The following GPR157 variants were observed in gnomAD, a reference collection of about 807,000 sequenced individuals.
The protein encoded by GPR157 is G protein-coupled receptor 157.
Under a neutral mutation model 23.5 loss-of-function variants are expected in GPR157, and 16 were observed. That is an observed-to-expected ratio of 0.68 (90% CI 0.46 to 1.04). The LOEUF (loss-of-function observed/expected upper bound fraction) is 1.04. GPR157 is among the 50% of genes least tolerant of loss of function. The pLI is 0.00. For missense variants in GPR157, 440 were observed against 460.7 expected (o/e 0.96, Z 0.41); for synonymous variants, 200 against 221.5 (o/e 0.90, Z 0.86).
At chr1:9,127,362 A>C (rs2124533995) in intron 1 of GPR157, among the ~76,000 whole-genome samples, 1 of 152,328 alleles carries the variant, frequency 6.6e-6, no homozygotes, top group East Asian at 1.9e-4. Context: ...AAAGACAAGA[A>C]GGGAAAGAGA....
chr1:9,116,682 G>A (rs1638686927), intron 1 of GPR157, among the ~76,000 whole-genome samples: 1 of 150,390 alleles, frequency 6.6e-6, no homozygotes. Flanking sequence ...CCGGGGAGGT[G>A]GCAGTGAGCC....
intron 1 of GPR157, among the ~76,000 whole-genome samples, chr1:9,119,530 T>C (rs1470329318): frequency 2.0e-5 from 3 of 152,116 alleles, no homozygotes; most frequent in Admixed American, 6.5e-5. Flanking sequence ...AGAAAATAAA[T>C]TTCTGTTGTC....
At chr1:9,110,149 G>A (rs1275832890) in intron 2 of GPR157, among the ~76,000 whole-genome samples, 1 of 152,216 alleles carries the variant, frequency 6.6e-6, no homozygotes, top group Non-Finnish European at 1.5e-5. Flanking sequence ...CTCTCCAGGA[G>A]GGCAGGATCC....
intron 1 of GPR157, among the ~76,000 whole-genome samples, chr1:9,113,857 C>A (rs1425449367): frequency 1.3e-5 from 2 of 151,390 alleles, no homozygotes; most frequent in Non-Finnish European, 2.9e-5. Flanking sequence ...GCAGGAGAAT[C>A]GCTTGAACCT....
chr1:9,107,003 C>T (rs532357495), intron 2 of GPR157, among the ~76,000 whole-genome samples: 7 of 152,142 alleles, frequency 4.6e-5, no homozygotes, highest in African/African-American at 1.4e-4. Context: ...AATAACTGCA[C>T]GTGCACTTCC....
rs2124535386 is a variant in GPR157, at chr1:9,128,574, T to C, written c.383+71A>G. 1 of 1,469,382 alleles carries C rather than the reference T, an allele frequency of 6.8e-7. No individual in the cohort carries two copies. Among genetic ancestry groups the C allele is most frequent in the Non-Finnish European group, 9.4e-7 (1 of 1,060,594 alleles). 91.0% of individuals were successfully genotyped at this position (1,469,382 alleles called of 1,614,324 possible). ...GGGTGTCCAACCTAGACGCGGCCTCTGGGAGGGCAAGACCGGGAGGGGTCG... is the reference window on the plus strand; with the variant it reads ...GGGTGTCCAACCTAGACGCGGCCTCCGGGAGGGCAAGACCGGGAGGGGTCG... On this transcript the variant is annotated intron_variant, in intron 1 of 3. Coordinates refer to ENST00000377411, the MANE Select transcript of GPR157 (RefSeq NM_024980.5). The surrounding 1 kb of genome is among the most constrained non-coding windows in gnomAD (Gnocchi z 6.3).
At chr1:9,124,430 C>T (rs1026360358) in intron 1 of GPR157, among the ~76,000 whole-genome samples, 6 of 152,162 alleles carry the variant, frequency 3.9e-5, no homozygotes, top group South Asian at 2.1e-4. Context: ...TATGAATGGA[C>T]GTGCAGTCAG....
rs78583980 is a variant in GPR157 at position 9,116,665 on chromosome 1, G to A, written c.384-5176C>T. Among the ~76,000 whole-genome samples the A allele has an allele frequency of 9.7e-3, 1,458 of 149,792 alleles. 28 individuals are homozygous for A. Among genetic ancestry groups the A allele is most frequent in the African/African-American group, 0.034 (1,374 of 40,748 alleles). Reference sequence around the variant, plus strand: ...GGCTAAGGCAGGAGAATTGATTGTTGATTGAACCGGGGAGGTGGCAGTGAG... The same window carrying A: ...GGCTAAGGCAGGAGAATTGATTGTTAATTGAACCGGGGAGGTGGCAGTGAG... On this transcript the variant is annotated intron_variant, in intron 1 of 3. Transcript: ENST00000377411.
At position 9,129,074 on chromosome 1, in the gene GPR157, C is replaced by T. The variant is rs1370703739; in HGVS notation, c.-47G>A. 1 of 1,215,516 alleles carries T rather than the reference C, an allele frequency of 8.2e-7. No homozygotes were observed. Among genetic ancestry groups the T allele is most frequent in the Non-Finnish European group, 1.0e-6 (1 of 978,298 alleles). The allele number at this position is 1,215,516 out of a possible 1,614,324, so 75.3% of individuals were successfully genotyped here. On this transcript the variant is annotated 5_prime_UTR_variant, in exon 1 of 4. Coordinates refer to ENST00000377411, the MANE Select transcript of GPR157 (RefSeq NM_024980.5). ...GAGCGCCGCGAGGACAGAAGCCGGG[C>T]CGCGCGTGCGGCCACGCCGCCGCCG...
intron 2 of GPR157, among the ~76,000 whole-genome samples, chr1:9,108,257 CCCT>C (rs201867471): frequency 1.5e-4 from 22 of 151,636 alleles, no homozygotes; most frequent in Admixed American, 3.9e-4. Flanking sequence ...CTCAGAGCCG[CCCT>C]CCTCCTCCTC....
chr1:9,111,916 G>C (rs771251656), intron 1 of GPR157, among the ~76,000 whole-genome samples: 38 of 152,224 alleles, frequency 2.5e-4, no homozygotes, highest in Non-Finnish European at 4.6e-4. Flanking sequence ...GTTGCAGTGA[G>C]CTGAGATTGT....
At chr1:9,123,175 ATAT>A (rs1247974991) in intron 1 of GPR157, among the ~76,000 whole-genome samples, 3,221 of 86,948 alleles carry the variant, frequency 0.037, 188 homozygotes, top group East Asian at 0.17. Context: ...AAAAAAAAAA[ATAT>A]ATATATATAT....
rs1215460691 is a variant in GPR157 at position 9,128,579 on chromosome 1, G to C, written c.383+66C>G. 1 of 1,493,810 alleles carries C rather than the reference G, an allele frequency of 6.7e-7. No homozygotes were observed. The highest frequency in any genetic ancestry group is 9.2e-7 in the Non-Finnish European group (1 of 1,081,128). The allele number at this position is 1,493,810 out of a possible 1,614,324, so 92.5% of individuals were successfully genotyped here. ...TCCAACCTAGACGCGGCCTCTGGGA[G>C]GGCAAGACCGGGAGGGGTCGGCCTG... is the stretch of plus-strand genomic sequence containing the variant. On this transcript the variant is annotated intron_variant, in intron 1 of 3. Coordinates refer to ENST00000377411, the MANE Select transcript of GPR157 (RefSeq NM_024980.5). The surrounding 1 kb of genome is among the most constrained non-coding windows in gnomAD (Gnocchi z 6.3).
rs904651635 is a variant in GPR157, at chr1:9,100,953, T to C, written c.*3466A>G. 2.6e-4 allele frequency: 39 copies of C among 152,230 alleles called. No homozygotes were observed. The highest frequency in any genetic ancestry group is 1.1e-3 in the Admixed American group (17 of 15,274). The allele number at this position is 152,230 out of a possible 1,614,324, so 9.4% of individuals were successfully genotyped here. A position where few individuals can be genotyped will look rare whatever the true frequency, so the allele number is the denominator to read the frequency against. On this transcript the variant is annotated 3_prime_UTR_variant, in exon 4 of 4. Coordinates refer to ENST00000377411, the MANE Select transcript of GPR157 (RefSeq NM_024980.5). ...GGTGGAGGCTGCAGTGAGCCATGAT[T>C]GCATCACTGCACTCCAGACTGGGTA...
chr1:9,117,980 G>A (rs1173080466), intron 1 of GPR157, among the ~76,000 whole-genome samples: 1 of 152,200 alleles, frequency 6.6e-6, no homozygotes, highest in Admixed American at 6.5e-5. Flanking sequence ...TCATGTGGTT[G>A]GAGGGGTCAT....
chr1:9,108,677 CTCACTCTG>C (rs1166791165), intron 2 of GPR157, among the ~76,000 whole-genome samples: 2 of 152,188 alleles, frequency 1.3e-5, no homozygotes, highest in African/African-American at 2.4e-5. Context: ...GAGACAGGGT[CTCACTCTG>C]TCACCCAGGC....
chr1:9,122,705 C>T (rs1219868821), intron 1 of GPR157, among the ~76,000 whole-genome samples: 3 of 151,940 alleles, frequency 2.0e-5, no homozygotes, highest in East Asian at 3.9e-4. Context: ...TATAAAATAC[C>T]GGGACTGTAC....
In GPR157 at chr1:9,105,004, C is replaced by A. The variant is rs991728844; in HGVS notation, c.793-370G>T. Among the ~76,000 whole-genome samples the A allele has an allele frequency of 3.2e-4, 11 of 34,430 alleles. No individual in the cohort carries two copies. Among genetic ancestry groups the A allele is most frequent in the African/African-American group, 6.1e-4 (7 of 11,566 alleles). The allele number at this position is 34,430 out of a possible 152,430, so 22.6% of individuals were successfully genotyped here. On this transcript the variant is annotated intron_variant, in intron 3 of 3. Transcript: ENST00000377411. The surrounding 1 kb of genome is among the most constrained non-coding windows in gnomAD (Gnocchi z 4.8). ...GACAAAGCCAGACTCTGTCCCCGCA[C>A]CCCCCCCCAAAAAAGAGAAATGGCT... is the stretch of plus-strand genomic sequence containing the variant.
chr1:9,125,941 T>C (rs1205082058), intron 1 of GPR157, among the ~76,000 whole-genome samples: 3 of 150,786 alleles, frequency 2.0e-5, no homozygotes, highest in Non-Finnish European at 2.9e-5. Flanking sequence ...CCAGTGAAAC[T>C]CGCATTTATC....
Sources: allele counts gnomAD v4.1 joint callset (sites outside exome capture counted in the v4.1 genomes callset), GRCh38; gene constraint gnomAD v4.1.1; non-coding constraint Gnocchi (gnomAD v3.1); transcripts MANE v1.5; gene names NCBI Gene and HGNC (gene_info 2026-07-23, HGNC 2026-07-21).